DNAH6: variants seen among roughly 807,000 people sequenced by gnomAD.
DNAH6 encodes the protein axonemal beta dynein heavy chain 6.
DNAH6 carries 340 observed loss-of-function variants against 491.4 expected under a neutral mutation model. That is an observed-to-expected ratio of 0.69 (90% CI 0.63 to 0.76). DNAH6 has a LOEUF of 0.76. Among genes scored for constraint, DNAH6 ranks in the 30% least tolerant of loss-of-function variants. The pLI, the probability that DNAH6 is intolerant of heterozygous loss-of-function variation, is 0.00. For missense variants in DNAH6, 4,443 were observed against 4,972.2 expected (o/e 0.89, Z 3.20); for synonymous variants, 1,603 against 1,686.1 (o/e 0.95, Z 1.21).
chr2:84,496,085 A>G, the DNAH6 span, among the ~76,000 whole-genome samples: 6 of 152,180 alleles, frequency 3.9e-5, no homozygotes, highest in Non-Finnish European at 8.8e-5. Flanking sequence ...AAATAGAATA[A>G]ATAAGGCCCC....
At chr2:84,486,221 C>T in the DNAH6 span, among the ~76,000 whole-genome samples, 1 of 152,184 alleles carries the variant, frequency 6.6e-6, no homozygotes, top group African/African-American at 2.4e-5. Flanking sequence ...TACCCTTAAA[C>T]TACTCAACCT....
At chr2:84,558,857 C>G (rs148088002) in intron 11 of DNAH6, among the ~76,000 whole-genome samples, 18 of 152,278 alleles carry the variant, frequency 1.2e-4, no homozygotes, top group African/African-American at 4.1e-4. Flanking sequence ...AACCTAATCT[C>G]CTGTATGGAA....
intron 39 of DNAH6, 29 bp from the exon 40 acceptor site, chr2:84,672,298 C>G: frequency 6.5e-7 from 1 of 1,537,308 alleles, no homozygotes; most frequent in East Asian, 2.5e-5. Context: ...AATCATAATT[C>G]TTAAATTAAA....
intron 14 of DNAH6, among the ~76,000 whole-genome samples, chr2:84,583,493 C>T (rs1683241785): frequency 6.6e-6 from 1 of 152,174 alleles, no homozygotes; most frequent in Admixed American, 6.5e-5. Flanking sequence ...AGGCTTTAGC[C>T]AATTTGACCG....
At chr2:84,736,856 A>G (rs1332310859) in intron 62 of DNAH6, among the ~76,000 whole-genome samples, 3 of 152,120 alleles carry the variant, frequency 2.0e-5, no homozygotes, top group Non-Finnish European at 4.4e-5. Context: ...TAGGACTTCC[A>G]GTACTATATT....
chr2:84,761,781 C>T (rs1573731743), intron 63 of DNAH6, among the ~76,000 whole-genome samples: 1 of 133,772 alleles, frequency 7.5e-6, no homozygotes, highest in Non-Finnish European at 1.6e-5. Flanking sequence ...TACATACACA[C>T]ACACACATAC....
chr2:84,616,372 G>T (rs1025655462), intron 22 of DNAH6, among the ~76,000 whole-genome samples: 1 of 152,058 alleles, frequency 6.6e-6, no homozygotes, highest in Non-Finnish European at 1.5e-5. Flanking sequence ...GGGAGCTCCA[G>T]TGTTAGGTGC....
Position 84,517,672 on chromosome 2 carries a change from G to A in DNAH6, c.-8-147G>A, listed in dbSNP as rs147535544. 547 of 629,050 alleles carry A rather than the reference G, an allele frequency of 8.7e-4. 3 individuals carry two copies. The African/African-American group carries it at 9.2e-3, about 11-fold the overall frequency. 39.0% of individuals were successfully genotyped at this position (629,050 alleles called of 1,614,324 possible). A position where few individuals can be genotyped will look rare whatever the true frequency, so the allele number is the denominator to read the frequency against. ...CCTTTGGTTCAAGTCCTCAGTTCGG[G>A]AAGACTGGGGTAACTTTGATGGGTT... On this transcript the variant is annotated intron_variant, in intron 1 of 76. Transcript: ENST00000389394.
chr2:84,516,821 T>C (rs1675640420), intron 1 of DNAH6, among the ~76,000 whole-genome samples: 2 of 152,304 alleles, frequency 1.3e-5, no homozygotes, highest in South Asian at 4.1e-4. Context: ...CGCTGTTAAA[T>C]ACGGTAATCT....
Position 84,710,409 on chromosome 2 carries a change from A to G in DNAH6, c.9375A>G (p.Glu3125=), listed in dbSNP as rs1452009623. 1.3e-6 allele frequency: 2 copies of G among 1,551,792 alleles called. No homozygotes were observed. Among genetic ancestry groups the G allele is most frequent in the East Asian group, 4.9e-5 (2 of 40,900 alleles). The change falls in exon 56 of 77, where the codon GAA becomes GAG. Residue 3125 remains glutamate, a synonymous_variant. Coordinates refer to ENST00000389394, the MANE Select transcript of DNAH6 (RefSeq NM_001370.2). The part of the protein sequence containing the change: ...SIRLGLPVLL[E]ELKETLDPAL... Reference sequence around the variant, plus strand: ...GACTTGGTTTACCTGTCTTACTGGAAGAGGTTTGATTTTCACTTCCTTTTC... The same window carrying G: ...GACTTGGTTTACCTGTCTTACTGGAGGAGGTTTGATTTTCACTTCCTTTTC...
At chr2:84,736,569 T>C (rs1010812166) in intron 62 of DNAH6, among the ~76,000 whole-genome samples, 4 of 152,138 alleles carry the variant, frequency 2.6e-5, no homozygotes, top group Non-Finnish European at 5.9e-5. Context: ...CTTGGTTAGA[T>C]GTGTTCCTCA....
the DNAH6 span, among the ~76,000 whole-genome samples, chr2:84,491,627 A>G: frequency 6.6e-6 from 1 of 152,206 alleles, no homozygotes; most frequent in Non-Finnish European, 1.5e-5. Context: ...CATTGTGGAC[A>G]TGATGTCTGG....
rs371746639 is a variant in DNAH6 at position 84,605,521 on chromosome 2, A to G, written c.3103A>G (p.Thr1035Ala). Residue 1035 changes from threonine (T) to alanine (A), a missense_variant, in exon 20 of 77, where the codon ACT (threonine) becomes GCT (alanine). By Grantham distance (58) the Thr-to-Ala change is moderately conservative. This residue lies in a region of DNAH6 where 2,977 missense variants were observed against 3,296.6 expected (regional missense o/e 0.90). Transcript: ENST00000389394. ...LKKVEDSWKT[T>A]EFVILPHRDS... ...TAAGGTGGAGGACTCTTGGAAAACAACTGAATTTGTCATTCTGCCTCACCG... is the reference window on the plus strand; with the variant it reads ...TAAGGTGGAGGACTCTTGGAAAACAGCTGAATTTGTCATTCTGCCTCACCG... 78 of 1,551,416 alleles carry G rather than the reference A, an allele frequency of 5.0e-5. 1 individual carries two copies. The highest frequency in any genetic ancestry group is 1.7e-4 in the Middle Eastern group (1 of 6,012).
intron 10 of DNAH6, among the ~76,000 whole-genome samples, chr2:84,555,505 C>T (rs1375842565): frequency 6.6e-6 from 1 of 152,166 alleles, no homozygotes; most frequent in Non-Finnish European, 1.5e-5. Context: ...TCACACCCTA[C>T]AGTTCTTTCT....
rs187224373 is a variant in DNAH6, at chr2:84,560,403, C to G, written c.1803+2468C>G. Among the ~76,000 whole-genome samples, 11 of 151,094 alleles carry G rather than the reference C, an allele frequency of 7.3e-5. No individual in the cohort carries two copies. The East Asian group carries it at 1.4e-3, about 19-fold the overall frequency. ...TGAATCAAGAATTTTATCTAGCCAA[C>G]CTAGTCTTTTAAGTATCAAGGCTAT... On this transcript the variant is annotated intron_variant, in intron 11 of 76. Coordinates refer to ENST00000389394, the MANE Select transcript of DNAH6 (RefSeq NM_001370.2).
the DNAH6 span, among the ~76,000 whole-genome samples, chr2:84,473,932 A>C: frequency 6.6e-6 from 1 of 152,186 alleles, no homozygotes; most frequent in Non-Finnish European, 1.5e-5. Flanking sequence ...ACTGTTCTCT[A>C]ACTTGCTTAA....
intron 70 of DNAH6, among the ~76,000 whole-genome samples, chr2:84,799,286 C>T (rs371511414): frequency 1.3e-5 from 2 of 152,358 alleles, no homozygotes; most frequent in East Asian, 3.9e-4. Context: ...CTGCGCCCAG[C>T]CCACCCCTCT....
At chr2:84,747,681 C>T (rs989688369) in intron 63 of DNAH6, among the ~76,000 whole-genome samples, 2 of 152,218 alleles carry the variant, frequency 1.3e-5, no homozygotes, top group African/African-American at 2.4e-5. Flanking sequence ...TGTGGGGGCT[C>T]TAACCCCACA....
chr2:84,740,672 GT>G (rs1468106118), intron 62 of DNAH6, among the ~76,000 whole-genome samples: 1 of 152,150 alleles, frequency 6.6e-6, no homozygotes, highest in Non-Finnish European at 1.5e-5. Flanking sequence ...CTCAGAGCTG[GT>G]GGGGCACTGT....
Sources: gnomAD v4.1 joint callset for allele counts (sites outside exome capture counted in the v4.1 genomes callset) on GRCh38, gnomAD v4.1.1 for gene constraint, gnomAD v4.1.1 regional missense constraint, MANE v1.5 for transcripts, NCBI Gene and HGNC (gene_info 2026-07-23, HGNC 2026-07-21) for gene names.